The following OSBPL8 variants were observed in gnomAD, a reference collection of about 807,000 sequenced individuals.
The protein encoded by OSBPL8 is oxysterol binding protein like 8, also known as oxysterol-binding protein-related protein 8.
In OSBPL8, 59 loss-of-function variants were observed where a neutral mutation model predicts 125.5. The observed-to-expected ratio is 0.47, with a 90% CI of 0.38 to 0.58. The LOEUF is 0.58. Among genes scored for constraint, OSBPL8 ranks in the 20% least tolerant of loss-of-function variants. The probability of loss-of-function intolerance (pLI) is 0.00; values close to 1 mark genes in which losing one functional copy is unlikely to be tolerated. For missense variants in OSBPL8, 758 were observed against 1,047.8 expected (o/e 0.72, Z 3.82); for synonymous variants, 330 against 338.9 (o/e 0.97, Z 0.29).
intron 1 of OSBPL8, among the ~76,000 whole-genome samples, chr12:76,531,683 T>C (rs537193508): frequency 6.6e-6 from 1 of 152,126 alleles, no homozygotes; most frequent in South Asian, 2.1e-4. Context: ...CCAGTAGTCT[T>C]GAAGGTATAG....
At chr12:76,555,768 C>T (rs4761427) in intron 1 of OSBPL8, among the ~76,000 whole-genome samples, 148,863 of 152,300 alleles carry the variant, frequency 0.98, 72,851 homozygotes, top group Middle Eastern at 1. Flanking sequence ...TGACCCTTAT[C>T]GTACTTCCAA....
At chr12:76,380,370 C>T (rs908816874) in intron 15 of OSBPL8, among the ~76,000 whole-genome samples, 1 of 151,782 alleles carries the variant, frequency 6.6e-6, no homozygotes, top group Non-Finnish European at 1.5e-5. Context: ...TTTTTAAATA[C>T]ATTATTTGGA....
Position 76,389,844 on chromosome 12 carries a change from G to A in OSBPL8, c.1168-15C>T. 1.4e-6 allele frequency: 2 copies of A among 1,462,954 alleles called. No homozygotes were observed. Among genetic ancestry groups the A allele is most frequent in the Non-Finnish European group, 1.8e-6 (2 of 1,100,068 alleles). 90.6% of individuals were successfully genotyped at this position (1,462,954 alleles called of 1,614,324 possible). A position where few individuals can be genotyped will look rare whatever the true frequency, so the allele number is the denominator to read the frequency against. On this transcript the variant is annotated splice_polypyrimidine_tract_variant and intron_variant, in intron 11 of 23. Transcript: ENST00000261183. ...GCCTCACCTGCCTTTATCAATTAAT[G>A]AAAATTACCAAAACATTATATTTAT...
intron 4 of OSBPL8, among the ~76,000 whole-genome samples, chr12:76,445,562 T>C (rs931206535): frequency 6.6e-6 from 1 of 152,112 alleles, no homozygotes; most frequent in Non-Finnish European, 1.5e-5. Flanking sequence ...GGCAAACATA[T>C]GAAATGATAC....
intron 4 of OSBPL8, among the ~76,000 whole-genome samples, chr12:76,413,226 C>T (rs142877459): frequency 1.3e-5 from 2 of 152,148 alleles, no homozygotes; most frequent in Admixed American, 1.3e-4. Flanking sequence ...TAGAGAATTG[C>T]TAACATTTCA....
At chr12:76,474,437 A>C (rs1490466995) in intron 2 of OSBPL8, among the ~76,000 whole-genome samples, 1 of 136,726 alleles carries the variant, frequency 7.3e-6, no homozygotes, top group African/African-American at 3.4e-5. Context: ...ACACACATAC[A>C]TATATATATA....
At chr12:76,497,909 T>C (rs944479589) in intron 1 of OSBPL8, among the ~76,000 whole-genome samples, 4 of 152,174 alleles carry the variant, frequency 2.6e-5, no homozygotes, top group Non-Finnish European at 5.9e-5. Context: ...AAGGAACACA[T>C]GAATTTATAT....
At chr12:76,402,546 T>C (rs190646905) in intron 6 of OSBPL8, 143 bp downstream of exon 6, 1 of 658,012 alleles carries the variant, frequency 1.5e-6, no homozygotes, top group African/African-American at 1.8e-5. Flanking sequence ...ATTAACATTT[T>C]CTATGTGTGC....
intron 1 of OSBPL8, among the ~76,000 whole-genome samples, chr12:76,549,456 G>A (rs1427600304): frequency 6.6e-6 from 1 of 152,152 alleles, no homozygotes; most frequent in African/African-American, 2.4e-5. Context: ...TCTCACCCAG[G>A]CTAGAGTGCA....
chr12:76,501,065 T>C (rs1879847862), intron 1 of OSBPL8, among the ~76,000 whole-genome samples: 1 of 151,006 alleles, frequency 6.6e-6, no homozygotes. Context: ...TGTAATTATT[T>C]ATTGAGTAAT....
chr12:76,486,566 C>A (rs1203120271), intron 2 of OSBPL8, among the ~76,000 whole-genome samples: 4 of 152,100 alleles, frequency 2.6e-5, no homozygotes, highest in African/African-American at 2.4e-5. Flanking sequence ...GGAGTAAAAT[C>A]TTTTTGTACA....
chr12:76,466,300 T>C (rs1330491072), intron 2 of OSBPL8, among the ~76,000 whole-genome samples: 3 of 151,734 alleles, frequency 2.0e-5, no homozygotes, highest in African/African-American at 7.3e-5. Context: ...TTTTAACTGA[T>C]ATTTTTCAAT....
At chr12:76,545,963 TG>T (rs1410967617) in intron 1 of OSBPL8, among the ~76,000 whole-genome samples, 20 of 152,312 alleles carry the variant, frequency 1.3e-4, no homozygotes, top group Non-Finnish European at 2.4e-4. Context: ...TTGAACTGCA[TG>T]GGTCCACTTA....
At chr12:76,547,424 A>C (rs1189108260) in intron 1 of OSBPL8, among the ~76,000 whole-genome samples, 2 of 152,206 alleles carry the variant, frequency 1.3e-5, no homozygotes, top group African/African-American at 4.8e-5. Flanking sequence ...AAAACAAAAA[A>C]TACAAAACAA....
chr12:76,479,904 T>C (rs887021684), intron 2 of OSBPL8, among the ~76,000 whole-genome samples: 2 of 152,078 alleles, frequency 1.3e-5, no homozygotes, highest in African/African-American at 2.4e-5. Flanking sequence ...CGGTGGCTCA[T>C]GCCTGTAACC....
At chr12:76,390,748 T>C in intron 10 of OSBPL8, 91 bp from the exon 11 acceptor site, 1 of 788,094 alleles carries the variant, frequency 1.3e-6, no homozygotes, top group Non-Finnish European at 2.1e-6. Context: ...TTATTGAGAA[T>C]TTACTATGTG....
chr12:76,444,535 G>GA (rs1872546843), intron 4 of OSBPL8, among the ~76,000 whole-genome samples: 1 of 152,190 alleles, frequency 6.6e-6, no homozygotes, highest in Non-Finnish European at 1.5e-5. Flanking sequence ...GTCTCACTGG[G>GA]AAACAGTGAA....
intron 1 of OSBPL8, among the ~76,000 whole-genome samples, chr12:76,523,010 G>GT: frequency 6.6e-6 from 1 of 152,156 alleles, no homozygotes; most frequent in South Asian, 2.1e-4. Context: ...GCTAATTTTT[G>GT]TATTTTTTGT....
At position 76,402,775 on chromosome 12, in the gene OSBPL8, A is replaced by G. The variant is rs1954103799; in HGVS notation, c.289-9T>C. On this transcript the variant is annotated splice_polypyrimidine_tract_variant and intron_variant, in intron 5 of 23. Coordinates refer to ENST00000261183, the MANE Select transcript of OSBPL8 (RefSeq NM_020841.5). ...TAAAGTTTAGATTCAGACTGAAATC[A>G]TACAGAAACAAGAGAAATTAAATCC... 3.9e-6 allele frequency: 6 copies of G among 1,550,728 alleles called. No individual in the cohort carries two copies. Among genetic ancestry groups the G allele is most frequent in the Non-Finnish European group, 5.3e-6 (6 of 1,128,684 alleles).
Sources: gnomAD v4.1 joint callset for allele counts (sites outside exome capture counted in the v4.1 genomes callset) on GRCh38, gnomAD v4.1.1 for gene constraint, MANE v1.5 for transcripts, NCBI Gene and HGNC (gene_info 2026-07-23, HGNC 2026-07-21) for gene names.